The following CUL4A variants were observed in gnomAD, a reference collection of about 807,000 sequenced individuals.
CUL4A encodes the protein cullin-4A.
In CUL4A, 16 loss-of-function variants were observed where a neutral mutation model predicts 95.5. The ratio of observed to expected loss-of-function variants is 0.17; its 90% CI spans 0.11 to 0.25. CUL4A has a LOEUF of 0.25. Among genes scored for constraint, CUL4A ranks in the 10% least tolerant of loss-of-function variants. CUL4A has a pLI of 1.00. For missense variants in CUL4A, 610 were observed against 937.0 expected (o/e 0.65, Z 4.56); for synonymous variants, 380 against 353.1 (o/e 1.08, Z -0.85).
intron 9 of CUL4A, among the ~76,000 whole-genome samples, chr13:113,238,676 A>G: frequency 6.6e-6 from 1 of 152,204 alleles, no homozygotes; most frequent in East Asian, 1.9e-4. Context: ...TAATTGAGAG[A>G]AATAAACATT....
At chr13:113,260,918 T>C (rs952102735) in intron 19 of CUL4A, among the ~76,000 whole-genome samples, 159 bp downstream of exon 19, 1 of 152,236 alleles carries the variant, frequency 6.6e-6, no homozygotes, top group Non-Finnish European at 1.5e-5. Context: ...AAGCTCTTTA[T>C]TCCAGGTGTT....
intron 5 of CUL4A, among the ~76,000 whole-genome samples, chr13:113,232,170 GC>G (rs2041358731): frequency 2.0e-5 from 1 of 49,956 alleles, no homozygotes; most frequent in African/African-American, 1.2e-4. Flanking sequence ...ACCACTACCC[GC>G]CCACCACCAT....
chr13:113,238,426 C>A (rs1366801544), intron 9 of CUL4A, among the ~76,000 whole-genome samples: 2 of 150,700 alleles, frequency 1.3e-5, no homozygotes, highest in African/African-American at 4.9e-5. Flanking sequence ...AAGCAAGAGA[C>A]CTGTCTCAAA....
Position 113,253,270 on chromosome 13 carries a change from T to C in CUL4A, c.1752+75T>C, listed in dbSNP as rs543551137. ...TAATTTTTTTATTGTTACTGGACTT[T>C]AGTAGCAAAAAAGGAGTGTTTCACT... On this transcript the variant is annotated intron_variant, in intron 16 of 19. Coordinates refer to ENST00000375440, the MANE Select transcript of CUL4A (RefSeq NM_001008895.4). The C allele has an allele frequency of 3.4e-5, 23 of 685,186 alleles. No homozygotes were observed. In the Admixed American group the frequency reaches 5.4e-4, roughly 16 times the overall value. 42.4% of individuals were successfully genotyped at this position (685,186 alleles called of 1,614,324 possible). A position where few individuals can be genotyped will look rare whatever the true frequency, so the allele number is the denominator to read the frequency against.
intron 3 of CUL4A, among the ~76,000 whole-genome samples, chr13:113,227,746 A>G (rs1029527292): frequency 1.3e-5 from 2 of 152,134 alleles, no homozygotes; most frequent in Non-Finnish European, 1.5e-5. Flanking sequence ...TCTACTAAAA[A>G]TACAAAAAAT....
At chr13:113,239,168 A>T (rs556399929) in intron 9 of CUL4A, among the ~76,000 whole-genome samples, 1 of 152,332 alleles carries the variant, frequency 6.6e-6, no homozygotes, top group African/African-American at 2.4e-5. Flanking sequence ...CTGACTTGCT[A>T]ACTTAAGTGA....
At position 113,245,251 on chromosome 13, in the gene CUL4A, C is replaced by A; in HGVS notation, c.1530+14C>A. ...CATTTCAAGCAGGTGAGTTGTGTTTCTTAGGTAAAGCGGCTTTTTAAAAAG... is the reference window on the plus strand; with the variant it reads ...CATTTCAAGCAGGTGAGTTGTGTTTATTAGGTAAAGCGGCTTTTTAAAAAG... On this transcript the variant is annotated intron_variant, in intron 14 of 19. Coordinates refer to ENST00000375440, the MANE Select transcript of CUL4A (RefSeq NM_001008895.4). The A allele has an allele frequency of 6.2e-7, 1 of 1,612,948 alleles. No individual in the cohort carries two copies. Among genetic ancestry groups the A allele is most frequent in the Non-Finnish European group, 8.5e-7 (1 of 1,178,936 alleles).
intron 3 of CUL4A, among the ~76,000 whole-genome samples, chr13:113,220,685 T>C (rs2040863733): frequency 6.6e-6 from 1 of 152,208 alleles, no homozygotes; most frequent in African/African-American, 2.4e-5. Flanking sequence ...ACTATCTGAT[T>C]ACCTGATCAA....
In CUL4A at chr13:113,235,053, T is replaced by C; in HGVS notation, c.766-10T>C. Reference sequence around the variant, plus strand: ...TTGTTACTGATACATTTAATTGTTTTGTTTGTAAGGTTCCAGAATATCTTA... The same window carrying C: ...TTGTTACTGATACATTTAATTGTTTCGTTTGTAAGGTTCCAGAATATCTTA... On this transcript the variant is annotated splice_polypyrimidine_tract_variant and intron_variant, in intron 7 of 19. Coordinates refer to ENST00000375440, the MANE Select transcript of CUL4A (RefSeq NM_001008895.4). 4 of 1,581,886 alleles carry C rather than the reference T, an allele frequency of 2.5e-6. No individual in the cohort carries two copies. The highest frequency in any genetic ancestry group is 1.1e-5 in the South Asian group (1 of 88,030).
At chr13:113,253,221 T>G (rs1325032863) in intron 16 of CUL4A, 26 bp downstream of exon 16, 5 of 1,263,610 alleles carry the variant, frequency 4.0e-6, no homozygotes, top group Admixed American at 2.3e-5. Flanking sequence ...CATTTATTTT[T>G]TATTATTTGT....
chr13:113,243,048 G>C lies in CUL4A; in HGVS notation c.1116G>C (p.Val372=), dbSNP rs1431667438. 6.2e-7 allele frequency: 1 copy of C among 1,613,920 alleles called. No individual in the cohort carries two copies. Among genetic ancestry groups the C allele is most frequent in the East Asian group, 2.2e-5 (1 of 44,894 alleles). The change falls in exon 11 of 20, where the codon GTG becomes GTC. Residue 372 remains valine (V), a synonymous_variant. Coordinates refer to ENST00000375440, the MANE Select transcript of CUL4A (RefSeq NM_001008895.4). ...ACCTGTTGGACTTCAAGGACAAGGT[G>C]GACCACGTGATCGAGGTCTGCTTCC... ...VQDLLDFKDK[V]DHVIEVCFQK...
At chr13:113,236,546 T>A (rs2041550811) in intron 8 of CUL4A, among the ~76,000 whole-genome samples, 1 of 152,130 alleles carries the variant, frequency 6.6e-6, no homozygotes, top group Admixed American at 6.5e-5. Context: ...ATGGCTAAAA[T>A]CAGCAATCCT....
At chr13:113,257,103 T>TTAGTAGAGACGG in intron 18 of CUL4A, among the ~76,000 whole-genome samples, 1 of 152,160 alleles carries the variant, frequency 6.6e-6, no homozygotes, top group South Asian at 2.1e-4. Flanking sequence ...TTTTCTATTT[T>TTAGTAGAGACGG]TAGTAGAGAC....
chr13:113,260,868 C>A, intron 19 of CUL4A, 109 bp downstream of exon 19: 2 of 865,368 alleles, frequency 2.3e-6, no homozygotes, highest in Non-Finnish European at 3.5e-6. Flanking sequence ...ATTCATGGTG[C>A]TTTGTGTATA....
At chr13:113,229,302 G>GA (rs1169217241) in intron 4 of CUL4A, 144 bp from the exon 5 acceptor site, 10,913 of 570,872 alleles carry the variant, frequency 0.019, no homozygotes, top group South Asian at 0.026. Context: ...ATTAACTTTA[G>GA]AAAAAAAAAA....
At chr13:113,245,645 T>C (rs1274269461) in intron 14 of CUL4A, among the ~76,000 whole-genome samples, 1 of 152,212 alleles carries the variant, frequency 6.6e-6, no homozygotes, top group Non-Finnish European at 1.5e-5. Flanking sequence ...ATAGATTAGA[T>C]AGAATGAATC....
intron 3 of CUL4A, among the ~76,000 whole-genome samples, chr13:113,223,602 G>A (rs950650737): frequency 6.6e-6 from 1 of 152,178 alleles, no homozygotes; most frequent in Non-Finnish European, 1.5e-5. Context: ...TCTCCACATT[G>A]GTCAGGCTGG....
chr13:113,246,091 C>G, intron 15 of CUL4A, 28 bp downstream of exon 15: 1 of 1,533,388 alleles, frequency 6.5e-7, no homozygotes. Flanking sequence ...ATGCTGTCCG[C>G]TCCCGCTGTC....
intron 15 of CUL4A, among the ~76,000 whole-genome samples, chr13:113,248,495 C>G (rs2041912868): frequency 6.6e-6 from 1 of 151,990 alleles, no homozygotes; most frequent in Non-Finnish European, 1.5e-5. Flanking sequence ...TTTTTGTTTT[C>G]TAGCAAAAGT....
Sources: gnomAD v4.1 joint callset for allele counts (sites outside exome capture counted in the v4.1 genomes callset) on GRCh38, gnomAD v4.1.1 for gene constraint, MANE v1.5 for transcripts, NCBI Gene and HGNC (gene_info 2026-07-23, HGNC 2026-07-21) for gene names.